Variants in FBLN7 observed in about 807,000 individuals in gnomAD.
FBLN7 encodes fibulin-7.
A neutral mutation model predicts 44.0 loss-of-function variants in FBLN7; 31 were observed. The observed-to-expected ratio is 0.70, with a 90% CI of 0.53 to 0.95. The LOEUF (loss-of-function observed/expected upper bound fraction) is 0.95, where lower values mean the gene tolerates loss of function less well. Ranked by LOEUF, FBLN7 falls within the 40% of genes least tolerant of loss-of-function variation. FBLN7 has a pLI of 0.00. For synonymous variants in FBLN7, 262 were observed against 253.4 expected (o/e 1.03, Z -0.32); for missense variants, 573 against 618.5 (o/e 0.93, Z 0.78).
chr2:112,168,264 C>A (rs145510879), intron 3 of FBLN7, among the ~76,000 whole-genome samples: 1 of 152,322 alleles, frequency 6.6e-6, no homozygotes, highest in African/African-American at 2.4e-5. Context: ...TGCAGCCCAC[C>A]TTCGGGATGC....
intron 1 of FBLN7, among the ~76,000 whole-genome samples, chr2:112,149,185 T>G (rs1469567960): frequency 1.3e-5 from 2 of 152,158 alleles, no homozygotes; most frequent in Non-Finnish European, 2.9e-5. Context: ...AGGGCAGCCC[T>G]GATTGCAGAG....
At chr2:112,163,522 G>A (rs1681984050) in intron 2 of FBLN7, among the ~76,000 whole-genome samples, 1 of 152,210 alleles carries the variant, frequency 6.6e-6, no homozygotes, top group South Asian at 2.1e-4. Context: ...CATGCGTGAT[G>A]CTCTGTTGCA....
downstream of FBLN7, chr2:112,190,275 C>T (rs1474060123): frequency 1.3e-5 from 2 of 152,108 alleles, no homozygotes; most frequent in Non-Finnish European, 2.9e-5. Context: ...TGATGTTAGC[C>T]CCCGCAGATT....
intron 2 of FBLN7, among the ~76,000 whole-genome samples, chr2:112,164,598 A>G (rs987873905): frequency 1.3e-5 from 2 of 152,184 alleles, no homozygotes; most frequent in Non-Finnish European, 2.9e-5. Flanking sequence ...CAGAGAGAAG[A>G]GCAAAATCCC....
intron 1 of FBLN7, 95 bp from the exon 2 acceptor site, chr2:112,159,581 G>T (rs1023194504): frequency 2.4e-5 from 33 of 1,391,974 alleles, no homozygotes; most frequent in Non-Finnish European, 3.1e-5. Context: ...AACGCGGTTT[G>T]GACCCCGTGG....
intron 1 of FBLN7, among the ~76,000 whole-genome samples, chr2:112,155,726 C>T (rs1206062917): frequency 6.6e-6 from 1 of 152,212 alleles, no homozygotes; most frequent in East Asian, 1.9e-4. Context: ...CTGTTGCCCA[C>T]GGAGCAGGAA....
the FBLN7 span, among the ~76,000 whole-genome samples, chr2:112,217,696 C>G: frequency 6.6e-6 from 1 of 152,196 alleles, no homozygotes; most frequent in Non-Finnish European, 1.5e-5. Flanking sequence ...GGAAAGCTTT[C>G]AAGCTCACAG....
chr2:112,231,003 A>C, the FBLN7 span: 1 of 1,090,792 alleles, frequency 9.2e-7, no homozygotes, highest in Non-Finnish European at 1.2e-6. Context: ...TGTGTAATTC[A>C]GGTATACTGT....
chr2:112,240,121 T>C, the FBLN7 span, among the ~76,000 whole-genome samples: 3 of 152,168 alleles, frequency 2.0e-5, no homozygotes, highest in Admixed American at 1.3e-4. Context: ...AAGAGTGCCT[T>C]TTCCCCATTA....
the FBLN7 span, among the ~76,000 whole-genome samples, chr2:112,221,736 A>G: frequency 6.6e-6 from 1 of 151,878 alleles, no homozygotes; most frequent in East Asian, 1.9e-4. Flanking sequence ...CTTTCTTATA[A>G]TGGTCATTTG....
chr2:112,173,669 C>T (rs768186140), intron 3 of FBLN7, among the ~76,000 whole-genome samples: 9 of 152,368 alleles, frequency 5.9e-5, no homozygotes, highest in African/African-American at 9.6e-5. Flanking sequence ...TTCACCTTCA[C>T]GAAACAGCAG....
At chr2:112,222,097 A>C in the FBLN7 span, among the ~76,000 whole-genome samples, 1 of 151,832 alleles carries the variant, frequency 6.6e-6, no homozygotes, top group Non-Finnish European at 1.5e-5. Context: ...GGATCAGTTG[A>C]CTGGCTTAGA....
At chr2:112,191,209 T>C (rs1683478816), downstream of FBLN7, among the ~76,000 whole-genome samples, 1 of 152,178 alleles carries the variant, frequency 6.6e-6, no homozygotes, top group African/African-American at 2.4e-5. Context: ...AGAGTCCAGC[T>C]CTGTTGCCCA....
At chr2:112,170,700 A>G (rs530970543) in intron 3 of FBLN7, among the ~76,000 whole-genome samples, 1 of 152,342 alleles carries the variant, frequency 6.6e-6, no homozygotes, top group South Asian at 2.1e-4. Flanking sequence ...CACGCAGGCC[A>G]GCACTGTAGT....
chr2:112,196,133 A>G, the FBLN7 span, among the ~76,000 whole-genome samples: 2 of 152,216 alleles, frequency 1.3e-5, no homozygotes. Flanking sequence ...CTGCTGATCT[A>G]TGAGGCACAA....
intron 3 of FBLN7, among the ~76,000 whole-genome samples, chr2:112,166,312 A>G (rs1360760051): frequency 6.6e-6 from 1 of 152,124 alleles, no homozygotes; most frequent in Non-Finnish European, 1.5e-5. Flanking sequence ...CGGCCTCCCA[A>G]AGTGCTGGGA....
chr2:112,199,179 C>T, the FBLN7 span, among the ~76,000 whole-genome samples: 3 of 152,176 alleles, frequency 2.0e-5, no homozygotes, highest in Non-Finnish European at 4.4e-5. Flanking sequence ...CAGGTCAAGG[C>T]GGTCCCCCTG....
chr2:112,152,436 A>G (rs1392857510), intron 1 of FBLN7: 2 of 152,216 alleles, frequency 1.3e-5, no homozygotes, highest in African/African-American at 4.8e-5. Context: ...GTTCAAACTC[A>G]AAGTACCCTG....
the FBLN7 span, among the ~76,000 whole-genome samples, chr2:112,198,476 A>G: frequency 1.3e-5 from 2 of 152,064 alleles, no homozygotes; most frequent in African/African-American, 4.8e-5. Flanking sequence ...CGTCTCTACT[A>G]AAAATACAAA....
Sources: gnomAD v4.1 joint callset for allele counts (sites outside exome capture counted in the v4.1 genomes callset) on GRCh38, gnomAD v4.1.1 for gene constraint, MANE v1.5 for transcripts, NCBI Gene and HGNC (gene_info 2026-07-23, HGNC 2026-07-21) for gene names.